Variants in ANKRD17 observed in about 807,000 individuals in gnomAD.
ANKRD17 encodes ankyrin repeat domain 17.
ANKRD17 carries 19 observed loss-of-function variants against 229.7 expected under a neutral mutation model. That is an observed-to-expected ratio of 0.08 (90% CI 0.06 to 0.12). The LOEUF is 0.12. ANKRD17 is among the 10% of genes least tolerant of loss of function. The pLI is 1.00. For synonymous variants in ANKRD17, 1,112 were observed against 1,146.1 expected, an observed-to-expected ratio of 0.97 and a Z score of 0.60; for missense variants, 2,176 against 3,176.8, an observed-to-expected ratio of 0.68 and a Z score of 7.57.
chr4:73,100,124 A>G (rs1235245118), intron 25 of ANKRD17, among the ~76,000 whole-genome samples: 2 of 152,092 alleles, frequency 1.3e-5, no homozygotes, highest in Non-Finnish European at 2.9e-5. Context: ...TTTTTTGTTC[A>G]GTGTTCCATT....
chr4:73,136,731 CA>C (rs1728940028), intron 15 of ANKRD17, among the ~76,000 whole-genome samples: 1 of 152,100 alleles, frequency 6.6e-6, no homozygotes, highest in Admixed American at 6.5e-5. Context: ...ATATACATTT[CA>C]AAATCATATA....
chr4:73,191,987 G>T (rs1175258174), intron 1 of ANKRD17, among the ~76,000 whole-genome samples: 1 of 151,930 alleles, frequency 6.6e-6, no homozygotes, highest in Non-Finnish European at 1.5e-5. Flanking sequence ...CAATACTATG[G>T]TTAAATAAAT....
chr4:73,151,623 A>G (rs1359854703), intron 6 of ANKRD17, 99 bp from the exon 7 acceptor site: 3 of 892,046 alleles, frequency 3.4e-6, no homozygotes, highest in Non-Finnish European at 4.8e-6. Flanking sequence ...AACTTACAGC[A>G]TTAAATTTAT....
At position 73,085,581 on chromosome 4, in the gene ANKRD17, G is replaced by A. The variant is rs1722032864; in HGVS notation, c.6962-135C>T. 9.0e-6 allele frequency: 7 copies of A among 774,198 alleles called. No individual in the cohort carries two copies. In the South Asian group the frequency reaches 1.3e-4, roughly 15 times the overall value. The allele number at this position is 774,198 out of a possible 1,614,324, so 48.0% of individuals were successfully genotyped here. ...AAAAAAATCCCGGCTGGGAGTGGTG[G>A]CCCACATCTGTAATCCCAGCACTTT... On this transcript the variant is annotated intron_variant, in intron 29 of 33. Transcript: ENST00000358602.
At chr4:73,222,983 G>A in intron 1 of ANKRD17, 1 of 1,534,900 alleles carries the variant, frequency 6.5e-7, no homozygotes, top group Non-Finnish European at 8.7e-7. Context: ...CCTCAAGAAT[G>A]TCTTCTAGAA....
chr4:73,081,089 T>C (rs1721514459), intron 30 of ANKRD17, among the ~76,000 whole-genome samples: 1 of 152,214 alleles, frequency 6.6e-6, no homozygotes, highest in South Asian at 2.1e-4. Context: ...TGCACAACTA[T>C]TGGATTAAGG....
At chr4:73,107,719 A>G (rs1251814542) in intron 24 of ANKRD17, among the ~76,000 whole-genome samples, 1 of 152,216 alleles carries the variant, frequency 6.6e-6, no homozygotes, top group Non-Finnish European at 1.5e-5. Context: ...CAAGTAAGCT[A>G]GCGTGGCTAA....
At chr4:73,151,572 A>C in intron 6 of ANKRD17, 48 bp from the exon 7 acceptor site, 1 of 1,294,124 alleles carries the variant, frequency 7.7e-7, no homozygotes. Flanking sequence ...TATTATTCCA[A>C]AATATTTTTT....
intron 33 of ANKRD17, among the ~76,000 whole-genome samples, 185 bp downstream of exon 33, chr4:73,076,755 T>G (rs1421462301): frequency 6.6e-5 from 10 of 152,212 alleles, no homozygotes. Flanking sequence ...CTTTCATAAT[T>G]TTAGCCCCAA....
chr4:73,192,597 CAATT>C (rs1363120949), intron 1 of ANKRD17, among the ~76,000 whole-genome samples: 2 of 151,784 alleles, frequency 1.3e-5, no homozygotes, highest in Admixed American at 6.6e-5. Flanking sequence ...TTTTAGCAAA[CAATT>C]AATGAGAAAA....
chr4:73,177,850 TTAAC>T (rs1734945759), intron 1 of ANKRD17, among the ~76,000 whole-genome samples: 1 of 152,160 alleles, frequency 6.6e-6, no homozygotes, highest in African/African-American at 2.4e-5. Flanking sequence ...TGTGAAAACT[TTAAC>T]TGTGAATAGA....
At chr4:73,201,476 CAG>C (rs905013559) in intron 1 of ANKRD17, among the ~76,000 whole-genome samples, 3 of 151,000 alleles carry the variant, frequency 2.0e-5, no homozygotes, top group Non-Finnish European at 4.4e-5. Flanking sequence ...AAAATGTAAA[CAG>C]TGCGTGAGGA....
At chr4:73,254,660 C>G (rs983188994) in intron 1 of ANKRD17, among the ~76,000 whole-genome samples, 1 of 151,550 alleles carries the variant, frequency 6.6e-6, no homozygotes, top group Non-Finnish European at 1.5e-5. Context: ...TCCAGCTACT[C>G]GGGAAGCTGA....
intron 1 of ANKRD17, among the ~76,000 whole-genome samples, chr4:73,221,038 CTG>C (rs1292103161): frequency 6.6e-6 from 1 of 152,058 alleles, no homozygotes; most frequent in Non-Finnish European, 1.5e-5. Context: ...TCTTTGCACT[CTG>C]TATTTTTAGC....
chr4:73,161,621 T>C (rs1203387930), intron 2 of ANKRD17, among the ~76,000 whole-genome samples: 1 of 152,206 alleles, frequency 6.6e-6, no homozygotes, highest in East Asian at 1.9e-4. Flanking sequence ...TTAGACTCTG[T>C]CATATCTCTG....
rs533985511 is a variant in ANKRD17 at position 73,195,967 on chromosome 4, T to C, written c.394-18434A>G. Among the ~76,000 whole-genome samples, 9 of 152,212 alleles carry C rather than the reference T, an allele frequency of 5.9e-5. No individual in the cohort carries two copies. In the South Asian group the frequency reaches 1.7e-3, roughly 28 times the overall value. ...TCCCTCTGTTAGTATGATTAGAGCTTTAGCAGATTTAATGATTCTTTCGAA... is the reference window on the plus strand; with the variant it reads ...TCCCTCTGTTAGTATGATTAGAGCTCTAGCAGATTTAATGATTCTTTCGAA... On this transcript the variant is annotated intron_variant, in intron 1 of 33. Transcript: ENST00000358602.
At position 73,091,873 on chromosome 4, in the gene ANKRD17, G is replaced by A. The variant is rs772109026; in HGVS notation, c.5755C>T (p.Pro1919Ser). Residue 1919 changes from proline to serine, a missense_variant, in exon 29 of 34, where the codon CCA (proline) becomes TCA (serine). By Grantham distance (74) the Pro-to-Ser change is moderately conservative. Coordinates refer to ENST00000358602, the MANE Select transcript of ANKRD17 (RefSeq NM_032217.5). ...AACGGACCCCAAGTGGATTGAGCTG[G>A]TGGAAAAGTACCTCCAAAGTGGGTC... is the stretch of plus-strand genomic sequence containing the variant. ...PMTHFGGTFPPAQSTWGPFPV... is the reference protein window; with the variant it reads ...PMTHFGGTFPSAQSTWGPFPV... 1 of 1,614,196 alleles carries A rather than the reference G, an allele frequency of 6.2e-7. No individual in the cohort carries two copies. The highest frequency in any genetic ancestry group is 2.2e-5 in the East Asian group (1 of 44,882).
intron 23 of ANKRD17, among the ~76,000 whole-genome samples, chr4:73,114,595 G>C (rs1725710546): frequency 6.6e-6 from 1 of 151,996 alleles, no homozygotes; most frequent in Non-Finnish European, 1.5e-5. Flanking sequence ...AAGTACATGA[G>C]ACTAATGCGT....
At chr4:73,247,220 A>G (rs1383451453) in intron 1 of ANKRD17, among the ~76,000 whole-genome samples, 4 of 152,110 alleles carry the variant, frequency 2.6e-5, no homozygotes, top group Non-Finnish European at 5.9e-5. Flanking sequence ...AATGAAAACA[A>G]AACACCATTT....
Sources: gnomAD v4.1 joint callset for allele counts (sites outside exome capture counted in the v4.1 genomes callset) on GRCh38, gnomAD v4.1.1 for gene constraint, MANE v1.5 for transcripts, NCBI Gene and HGNC (gene_info 2026-07-23, HGNC 2026-07-21) for gene names.